Variants in SMAD9 observed in about 807,000 individuals in gnomAD.
SMAD9 encodes MAD homolog 9.
In SMAD9, 36 loss-of-function variants were observed where a neutral mutation model predicts 46.1. The ratio of observed to expected loss-of-function variants is 0.78; its 90% confidence interval spans 0.60 to 1.03. The LOEUF (loss-of-function observed/expected upper bound fraction) is 1.03, where lower values mean the gene tolerates loss of function less well. Among genes scored for constraint, SMAD9 ranks in the 50% least tolerant of loss-of-function variants. SMAD9 has a pLI of 0.00. For missense variants in SMAD9, 572 were observed against 599.8 expected (o/e 0.95, Z 0.48); for synonymous variants, 245 against 237.1 (o/e 1.03, Z -0.31).
At chr13:36,856,509 G>A (rs549677606) in intron 5 of SMAD9, among the ~76,000 whole-genome samples, 6 of 152,252 alleles carry the variant, frequency 3.9e-5, no homozygotes, top group East Asian at 1.9e-4. Context: ...ACCAGCATGC[G>A]GAGCCCGCCC....
intron 1 of SMAD9, among the ~76,000 whole-genome samples, chr13:36,896,109 GTATTTATT>G (rs57024507): frequency 0.32 from 47,432 of 148,410 alleles, 9,044 homozygotes; most frequent in Non-Finnish European, 0.42. Context: ...ATCCTGTTGA[GTATTTATT>G]TATTTATTTA....
intron 1 of SMAD9, among the ~76,000 whole-genome samples, chr13:36,900,350 T>G (rs9547693): frequency 0.24 from 35,761 of 151,866 alleles, 4,339 homozygotes; most frequent in African/African-American, 0.28. Context: ...GCGTGATCTC[T>G]GCTCACTGCA....
rs77486294 is a variant in SMAD9 at position 36,899,296 on chromosome 13, G to T, written c.-186-19421C>A. On this transcript the variant is annotated intron_variant, in intron 1 of 6. Coordinates refer to ENST00000379826, the MANE Select transcript of SMAD9 (RefSeq NM_001127217.3). Reference sequence around the variant, plus strand: ...GAAATTAAATGAAGAAATATACCATGTTCATGGATGTGCAAAATCAATAAT... The same window carrying T: ...GAAATTAAATGAAGAAATATACCATTTTCATGGATGTGCAAAATCAATAAT... Among the ~76,000 whole-genome samples, 73 of 152,294 alleles carry T rather than the reference G, an allele frequency of 4.8e-4. No homozygotes were observed. The East Asian group carries it at 0.013, about 26-fold the overall frequency.
chr13:36,871,086 G>C (rs985698144), intron 3 of SMAD9, among the ~76,000 whole-genome samples: 1 of 152,170 alleles, frequency 6.6e-6, no homozygotes, highest in Non-Finnish European at 1.5e-5. Context: ...CTCAGATAAG[G>C]GGGGACAACT....
intron 2 of SMAD9, among the ~76,000 whole-genome samples, 174 bp from the exon 3 acceptor site, chr13:36,873,089 T>A (rs898754181): frequency 6.6e-6 from 1 of 152,164 alleles, no homozygotes; most frequent in Admixed American, 6.5e-5. Context: ...TAAGTCCCCA[T>A]CTCCACCTAA....
At chr13:36,894,225 T>A (rs893422285) in intron 1 of SMAD9, among the ~76,000 whole-genome samples, 1 of 152,126 alleles carries the variant, frequency 6.6e-6, no homozygotes, top group Non-Finnish European at 1.5e-5. Context: ...TTCCCACATG[T>A]TGTGAGAGGG....
chr13:36,910,618 T>C (rs569087531), intron 1 of SMAD9, among the ~76,000 whole-genome samples: 60 of 152,284 alleles, frequency 3.9e-4, no homozygotes, highest in Admixed American at 1.2e-3. Context: ...TTTCACTCCC[T>C]TTGCCCATCA....
intron 1 of SMAD9, among the ~76,000 whole-genome samples, chr13:36,896,198 T>C (rs2058527276): frequency 6.6e-6 from 1 of 152,126 alleles, no homozygotes; most frequent in South Asian, 2.1e-4. Flanking sequence ...AGTGGCACGA[T>C]CTCGGCTCAC....
At chr13:36,886,396 G>A (rs533990015) in intron 1 of SMAD9, among the ~76,000 whole-genome samples, 27 of 152,330 alleles carry the variant, frequency 1.8e-4, no homozygotes, top group Admixed American at 9.2e-4. Context: ...CCCAAATGGC[G>A]GATATGTGAG....
Position 36,879,370 on chromosome 13 carries a change from A to G in SMAD9, c.320T>C (p.Leu107Pro). 1 of 1,614,172 alleles carries G rather than the reference A, an allele frequency of 6.2e-7. No individual in the cohort carries two copies. The highest frequency in any genetic ancestry group is 1.1e-5 in the South Asian group (1 of 91,090). ...GAACTCACAGCACTCCAGCGGCTTCAGCTCGTGGTGGGACTGCAGATCCGG... is the reference window on the plus strand; with the variant it reads ...GAACTCACAGCACTCCAGCGGCTTCGGCTCGTGGTGGGACTGCAGATCCGG... Reference protein sequence around the residue: ...RWPDLQSHHELKPLECCEFPF... With the variant: ...RWPDLQSHHEPKPLECCEFPF... The change falls in exon 2 of 7, where the codon CTG becomes CCG. Residue 107 changes from leucine (L) to proline (P), a missense_variant. Transcript: ENST00000379826.
chr13:36,887,971 T>C (rs1388439272), intron 1 of SMAD9, among the ~76,000 whole-genome samples: 1 of 152,060 alleles, frequency 6.6e-6, no homozygotes, highest in Non-Finnish European at 1.5e-5. Flanking sequence ...AGGTGTGTTC[T>C]GCATAGAAAA....
At chr13:36,879,957 T>C (rs2058388478) in intron 1 of SMAD9, 82 bp from the exon 2 acceptor site, 1 of 498,390 alleles carries the variant, frequency 2.0e-6, no homozygotes, top group African/African-American at 1.9e-5. Flanking sequence ...AGAGGCAATC[T>C]ACACCTACAG....
At chr13:36,856,927 C>T (rs1335901815) in intron 5 of SMAD9, among the ~76,000 whole-genome samples, 2 of 151,706 alleles carry the variant, frequency 1.3e-5, no homozygotes, top group Non-Finnish European at 2.9e-5. Context: ...ATCAGCCTCC[C>T]GAGTAGCTGG....
intron 6 of SMAD9, chr13:36,852,567 A>G: frequency 1.0e-6 from 1 of 984,500 alleles, no homozygotes; most frequent in Non-Finnish European, 1.2e-6. Context: ...TCAACAGAAC[A>G]TATACTGCTC....
intron 6 of SMAD9, among the ~76,000 whole-genome samples, chr13:36,852,965 C>T (rs2058086800): frequency 6.6e-6 from 1 of 152,216 alleles, no homozygotes; most frequent in African/African-American, 2.4e-5. Context: ...CAAAGAGGAA[C>T]TCCTCCTAAA....
intron 1 of SMAD9, among the ~76,000 whole-genome samples, chr13:36,889,926 T>C (rs982645328): frequency 6.6e-6 from 1 of 152,144 alleles, no homozygotes; most frequent in East Asian, 1.9e-4. Context: ...TTCTGACCCA[T>C]GAAAATCTAA....
intron 1 of SMAD9, among the ~76,000 whole-genome samples, chr13:36,907,159 CACTT>C (rs1245697453): frequency 6.6e-6 from 1 of 152,100 alleles, no homozygotes; most frequent in African/African-American, 2.4e-5. Flanking sequence ...TGCATGATTC[CACTT>C]ACTTATATGA....
At chr13:36,861,753 A>C (rs1244026377) in intron 5 of SMAD9, among the ~76,000 whole-genome samples, 3 of 151,304 alleles carry the variant, frequency 2.0e-5, no homozygotes, top group African/African-American at 7.3e-5. Flanking sequence ...ACATGAAGAA[A>C]CCCTTTCTCT....
chr13:36,863,709 C>T (rs1451438634), intron 5 of SMAD9, among the ~76,000 whole-genome samples: 1 of 152,024 alleles, frequency 6.6e-6, no homozygotes, highest in Non-Finnish European at 1.5e-5. Flanking sequence ...CCAGCACCTC[C>T]CTCCCTTCTC....
Sources: gnomAD v4.1 joint callset for allele counts (sites outside exome capture counted in the v4.1 genomes callset) on GRCh38, gnomAD v4.1.1 for gene constraint, MANE v1.5 for transcripts, NCBI Gene and HGNC (gene_info 2026-07-23, HGNC 2026-07-21) for gene names.